The following PFKP variants were observed in gnomAD, a reference collection of about 807,000 sequenced individuals.
PFKP encodes the protein phosphofructokinase, platelet, also known as ATP-dependent 6-phosphofructokinase, platelet type.
PFKP carries 101 observed loss-of-function variants against 94.3 expected under a neutral mutation model. The ratio of observed to expected loss-of-function variants is 1.07; its 90% CI spans 0.91 to 1.26. The LOEUF (loss-of-function observed/expected upper bound fraction) is 1.26, where lower values mean the gene tolerates loss of function less well. Among genes scored for constraint, PFKP ranks in the 50% most tolerant of loss-of-function variants. PFKP has a pLI of 0.00. For synonymous variants in PFKP, 573 were observed against 432.6 expected (o/e 1.32, Z -4.03); for missense variants, 1,145 against 1,103.3 (o/e 1.04, Z -0.53).
At chr10:3,113,658 T>A in intron 13 of PFKP, 140 bp downstream of exon 13, 8 of 27,360 alleles carry the variant, frequency 2.9e-4, no homozygotes, top group Non-Finnish European at 6.2e-4. Context: ...GACTGAAGCA[T>A]TGCTTCTGGA....
intron 5 of PFKP, 60 bp from the exon 6 acceptor site, chr10:3,105,055 G>A (rs959641797): frequency 1.3e-6 from 2 of 1,497,292 alleles, no homozygotes; most frequent in Non-Finnish European, 1.9e-6. Flanking sequence ...CTGAGTGGGT[G>A]CTCCCTCTGT....
chr10:3,135,752 C>A lies in PFKP; in HGVS notation c.2139C>A (p.Thr713=), dbSNP rs61731934. ...EARGRGKKFT[T]DDSICVLGIS... ...CTTTTATAGGAAAAAAATTTACCAC[C>A]GATGATTCCATTTGTGTGCTGGGAA... Residue 713 remains threonine (T), a synonymous_variant, in exon 21 of 22, where the codon ACC becomes ACA. Coordinates refer to ENST00000381125, the MANE Select transcript of PFKP (RefSeq NM_002627.5). 21 of 1,610,222 alleles carry A rather than the reference C, an allele frequency of 1.3e-5. No homozygotes were observed. The highest frequency in any genetic ancestry group is 1.7e-5 in the Non-Finnish European group (20 of 1,177,002).
At chr10:3,079,911 G>A (rs1015229051) in intron 1 of PFKP, among the ~76,000 whole-genome samples, 2 of 152,192 alleles carry the variant, frequency 1.3e-5, no homozygotes, top group Admixed American at 6.5e-5. Flanking sequence ...GGCCAAGGGG[G>A]CGGGAGGCTC....
chr10:3,117,464 A>G lies in PFKP; in HGVS notation c.1442+618A>G, dbSNP rs1328477619. ...TCATCACTACACATTACAATTTCACATGGAAGGAAGGTAGTTTTTGGCAAA... is the reference window on the plus strand; with the variant it reads ...TCATCACTACACATTACAATTTCACGTGGAAGGAAGGTAGTTTTTGGCAAA... On this transcript the variant is annotated intron_variant, in intron 14 of 21. Coordinates refer to ENST00000381125, the MANE Select transcript of PFKP (RefSeq NM_002627.5). 2.0e-5 allele frequency among the ~76,000 whole-genome samples: 3 copies of G among 152,164 alleles called. 1 individual carries two copies. The highest frequency in any genetic ancestry group is 7.2e-5 in the African/African-American group (3 of 41,444).
intron 2 of PFKP, among the ~76,000 whole-genome samples, chr10:3,094,282 T>C (rs1207971407): frequency 6.6e-6 from 1 of 152,212 alleles, no homozygotes; most frequent in Non-Finnish European, 1.5e-5. Flanking sequence ...CACTCTTAGC[T>C]TTGGCTTAAA....
At chr10:3,089,594 G>A (rs897954075) in intron 2 of PFKP, among the ~76,000 whole-genome samples, 1 of 151,382 alleles carries the variant, frequency 6.6e-6, no homozygotes, top group African/African-American at 2.4e-5. Context: ...CTTTGTGTTA[G>A]GAACACTCCA....
chr10:3,109,457 C>T lies in PFKP; in HGVS notation c.1066C>T (p.Pro356Ser). ...GAACGGGAACCACGCCGTGCGCCTG[C>T]CGCTGATGGAGTGCGTGCAGATGGT... The part of the protein sequence containing the change: ...SLNGNHAVRL[P>S]LMECVQMTQD... Residue 356 changes from proline to serine, a missense_variant, in exon 10 of 22, where the codon CCG becomes TCG. Transcript: ENST00000381125. 3 of 1,606,432 alleles carry T rather than the reference C, an allele frequency of 1.9e-6. No homozygotes were observed. Among genetic ancestry groups the T allele is most frequent in the Admixed American group, 1.7e-5 (1 of 59,944 alleles).
Position 3,067,665 on chromosome 10 carries a change from G to C in PFKP, c.70G>C (p.Gly24Arg). ...RKFLEHLSGA[G>R]KAIGVLTSGG... ...GTTCCTGGAGCACCTCTCCGGGGCC[G>C]GCAAGGCCATCGGCGTGCTGACCAG... is the stretch of plus-strand genomic sequence containing the variant. The change falls in exon 1 of 22, where the codon GGC becomes CGC. Residue 24 changes from glycine to arginine, a missense_variant. Around this residue, in one of 3 missense-constraint regions of PFKP, gnomAD observed 1,119 missense variants for 1,062.8 expected, o/e 1.05. Transcript: ENST00000381125. 6.5e-7 allele frequency: 1 copy of C among 1,532,748 alleles called. No individual in the cohort carries two copies. Among genetic ancestry groups the C allele is most frequent in the East Asian group, 2.6e-5 (1 of 38,426 alleles). The allele number at this position is 1,532,748 out of a possible 1,614,324, so 94.9% of individuals were successfully genotyped here.
chr10:3,072,141 G>A lies in PFKP; in HGVS notation c.112+4434G>A, dbSNP rs557122995. ...ACCAGGGGTTCTAGCTGTCTTCTTC[G>A]TCCATGAAGTCCTTTAGAGGAATTC... On this transcript the variant is annotated intron_variant, in intron 1 of 21. Transcript: ENST00000381125. Among the ~76,000 whole-genome samples the A allele has an allele frequency of 3.7e-4, 56 of 152,316 alleles. 1 individual carries two copies. The South Asian group carries it at 6.4e-3, about 17-fold the overall frequency.
chr10:3,125,060 C>T (rs781684173), intron 16 of PFKP: 131 of 1,190,510 alleles, frequency 1.1e-4, no homozygotes, highest in African/African-American at 1.8e-4. Flanking sequence ...GGTGAGCACC[C>T]GGCACCCCCG....
chr10:3,079,381 C>T (rs917648462), intron 1 of PFKP, among the ~76,000 whole-genome samples: 1 of 151,936 alleles, frequency 6.6e-6, no homozygotes, highest in Non-Finnish European at 1.5e-5. Context: ...ACTACAGGTG[C>T]CCGCCACCAC....
At position 3,118,726 on chromosome 10, in the gene PFKP, G is replaced by A. The variant is rs1290021980; in HGVS notation, c.1443-56G>A. The A allele has an allele frequency of 3.5e-5, 46 of 1,330,022 alleles. 1 individual carries two copies. Among genetic ancestry groups the A allele is most frequent in the South Asian group, 2.6e-4 (22 of 83,868 alleles). 82.4% of individuals were successfully genotyped at this position (1,330,022 alleles called of 1,614,324 possible). ...CGGGTGGGGACCGGCGTGGCGTCCT[G>A]CGGACCGCGTGGAGTTTGGGGTGTC... On this transcript the variant is annotated intron_variant, in intron 14 of 21. Coordinates refer to ENST00000381125, the MANE Select transcript of PFKP (RefSeq NM_002627.5).
intron 16 of PFKP, among the ~76,000 whole-genome samples, chr10:3,120,334 G>A (rs186866813): frequency 4.8e-4 from 72 of 151,260 alleles, no homozygotes; most frequent in Admixed American, 9.9e-4. Flanking sequence ...GGGCTGGGTC[G>A]CAGTCTCCTG....
chr10:3,091,840 G>A (rs1332282043), intron 2 of PFKP, among the ~76,000 whole-genome samples: 2 of 152,122 alleles, frequency 1.3e-5, no homozygotes, highest in Non-Finnish European at 2.9e-5. Context: ...TTAAAGTTTG[G>A]TTCTGCTCTA....
intron 1 of PFKP, chr10:3,069,301 G>A (rs1832003110): frequency 6.6e-7 from 1 of 1,526,016 alleles, no homozygotes; most frequent in Admixed American, 2.0e-5. Context: ...AAGAAAACGT[G>A]ATGCAGCAGA....
intron 16 of PFKP, chr10:3,129,312 G>A (rs1588563796): frequency 1.3e-5 from 2 of 152,448 alleles, no homozygotes; most frequent in Non-Finnish European, 2.9e-5. Context: ...TGTAACATTC[G>A]CCAATGGATG....
chr10:3,111,222 G>A (rs1836203335), intron 10 of PFKP, among the ~76,000 whole-genome samples: 1 of 152,108 alleles, frequency 6.6e-6, no homozygotes, highest in Non-Finnish European at 1.5e-5. Context: ...GTGTGTGTGT[G>A]CAGGTATGTT....
chr10:3,128,054 A>G (rs910494884), intron 16 of PFKP, among the ~76,000 whole-genome samples: 2 of 152,190 alleles, frequency 1.3e-5, no homozygotes, highest in Non-Finnish European at 1.5e-5. Context: ...GCTGAGTCCC[A>G]TGGAGGCCCA....
At position 3,129,966 on chromosome 10, in the gene PFKP, G is replaced by A. The variant is rs148701004; in HGVS notation, c.1831G>A (p.Asp611Asn). The A allele has an allele frequency of 8.8e-6, 14 of 1,584,976 alleles. No individual in the cohort carries two copies. The highest frequency in any genetic ancestry group is 4.0e-5 in the African/African-American group (3 of 74,578). Residue 611 changes from aspartate (D) to asparagine (N), a missense_variant, in exon 17 of 22, where the codon GAC (aspartate) becomes AAC (asparagine). Transcript: ENST00000381125. ...DAAYIFEEPF[D>N]IRDLQSNVEH... Reference sequence around the variant, plus strand: ...CGCATACATTTTCGAAGAGCCCTTCGACATCAGGGATCTGCAGGTATGTGA... The same window carrying A: ...CGCATACATTTTCGAAGAGCCCTTCAACATCAGGGATCTGCAGGTATGTGA...
Sources: gnomAD v4.1 joint callset for allele counts (sites outside exome capture counted in the v4.1 genomes callset) on GRCh38, gnomAD v4.1.1 for gene constraint, gnomAD v4.1.1 regional missense constraint, MANE v1.5 for transcripts, NCBI Gene and HGNC (gene_info 2026-07-23, HGNC 2026-07-21) for gene names.